TLK1: variants seen among roughly 807,000 people sequenced by gnomAD.
TLK1 encodes tousled like kinase 1, also known as serine/threonine-protein kinase tousled-like 1.
A neutral mutation model predicts 105.3 loss-of-function variants in TLK1; 24 were observed. That is an observed-to-expected ratio of 0.23 (90% CI 0.17 to 0.32). The LOEUF is 0.32. Ranked by LOEUF, TLK1 falls within the 10% of genes least tolerant of loss-of-function variation. The probability of loss-of-function intolerance (pLI) is 1.00; values close to 1 mark genes in which losing one functional copy is unlikely to be tolerated. For synonymous variants in TLK1, 321 were observed against 310.4 expected, an observed-to-expected ratio of 1.03 and a Z score of -0.36; for missense variants, 558 against 910.5, an observed-to-expected ratio of 0.61 and a Z score of 4.98.
intron 1 of TLK1, among the ~76,000 whole-genome samples, chr2:171,216,475 C>CA (rs1351753533): frequency 6.6e-6 from 1 of 152,042 alleles, no homozygotes; most frequent in Admixed American, 6.6e-5. Context: ...GACTCCGTCT[C>CA]AAAAACAAAA....
At chr2:171,012,343 G>A (rs1042478694) in intron 13 of TLK1, among the ~76,000 whole-genome samples, 1 of 152,008 alleles carries the variant, frequency 6.6e-6, no homozygotes, top group Non-Finnish European at 1.5e-5. Flanking sequence ...ATAAATGAAG[G>A]TACTGATGCA....
At chr2:171,063,173 C>T (rs1295013475) in intron 3 of TLK1, among the ~76,000 whole-genome samples, 1 of 152,046 alleles carries the variant, frequency 6.6e-6, no homozygotes, top group Non-Finnish European at 1.5e-5. Flanking sequence ...TGGTGAAACC[C>T]TGACTCTACT....
chr2:170,997,015 A>G (rs928446650), intron 19 of TLK1, among the ~76,000 whole-genome samples: 4 of 152,266 alleles, frequency 2.6e-5, no homozygotes, highest in Non-Finnish European at 5.9e-5. Flanking sequence ...CTGTTGCAAT[A>G]TAAGATAAAA....
At chr2:171,002,025 C>T (rs796801791) in intron 18 of TLK1, among the ~76,000 whole-genome samples, 1 of 152,164 alleles carries the variant, frequency 6.6e-6, no homozygotes, top group South Asian at 2.1e-4. Context: ...GATCCGCCCG[C>T]CTGGGCCTCA....
chr2:171,179,088 A>T lies in TLK1; in HGVS notation c.-6+52057T>A, dbSNP rs1430089157. ...TTCTTGTTACACCAGAATGGACCTT[A>T]TATTCCATGTAAGAAGACATGGAAT... On this transcript the variant is annotated intron_variant, in intron 1 of 20. Transcript: ENST00000521943. 2.6e-5 allele frequency among the ~76,000 whole-genome samples: 4 copies of T among 152,280 alleles called. No individual in the cohort carries two copies. The East Asian group carries it at 7.7e-4, about 29-fold the overall frequency.
chr2:171,122,869 T>A (rs561668179), intron 1 of TLK1, among the ~76,000 whole-genome samples: 2 of 151,894 alleles, frequency 1.3e-5, no homozygotes, highest in African/African-American at 4.8e-5. Context: ...TGAAACCCCA[T>A]CTCTACTAAA....
intron 19 of TLK1, 89 bp from the exon 20 acceptor site, chr2:170,996,849 G>A (rs2883940): frequency 0.075 from 82,718 of 1,098,658 alleles, 4,435 homozygotes; most frequent in African/African-American, 0.24. Context: ...TCCCAAAACC[G>A]AAAATCCAAA....
intron 11 of TLK1, among the ~76,000 whole-genome samples, chr2:171,035,869 A>G (rs2723242): frequency 0.22 from 34,130 of 152,086 alleles, 4,030 homozygotes; most frequent in Middle Eastern, 0.3. Flanking sequence ...AGCTGGAAAA[A>G]GAAAGGAAAT....
At chr2:171,169,400 A>G (rs1692682312) in intron 1 of TLK1, among the ~76,000 whole-genome samples, 1 of 152,204 alleles carries the variant, frequency 6.6e-6, no homozygotes, top group South Asian at 2.1e-4. Context: ...TAAAATATAT[A>G]TATACAATAT....
intron 3 of TLK1, among the ~76,000 whole-genome samples, chr2:171,071,186 T>C (rs1224302565): frequency 6.6e-6 from 1 of 152,258 alleles, no homozygotes; most frequent in East Asian, 1.9e-4. Flanking sequence ...CCTTGTCAGA[T>C]GGATAGTTTG....
In TLK1 at chr2:171,009,291, C is replaced by CT. The variant is rs71008743; in HGVS notation, c.1416+2081dup. Among the ~76,000 whole-genome samples, 166 of 74,830 alleles carry CT rather than the reference C, an allele frequency of 2.2e-3. 25 individuals carry two copies. Among genetic ancestry groups the CT allele is most frequent in the African/African-American group, 8.6e-3 (141 of 16,380 alleles). 49.1% of individuals were successfully genotyped at this position (74,830 alleles called of 152,430 possible). On this transcript the variant is annotated intron_variant, in intron 14 of 20. Coordinates refer to ENST00000431350, the MANE Select transcript of TLK1 (RefSeq NM_012290.5). ...CATGCAACAGTCAGGATTTCTTTTC[C>CT]TTTTTTTTTTTTTTTTTTTTTTTTT...
At chr2:171,120,750 G>A (rs1690621533) in intron 1 of TLK1, among the ~76,000 whole-genome samples, 1 of 152,184 alleles carries the variant, frequency 6.6e-6, no homozygotes, top group Admixed American at 6.5e-5. Context: ...CTCAAAAAAT[G>A]AAACACTGAA....
At chr2:171,180,206 G>C (rs1198936004) in intron 1 of TLK1, among the ~76,000 whole-genome samples, 1 of 151,334 alleles carries the variant, frequency 6.6e-6, no homozygotes, top group Non-Finnish European at 1.5e-5. Flanking sequence ...GCGAGAGCGA[G>C]AGCGAGACTT....
chr2:171,117,898 G>T, intron 1 of TLK1, 41 bp from the exon 2 acceptor site: 2 of 1,363,082 alleles, frequency 1.5e-6, no homozygotes, highest in Non-Finnish European at 2.0e-6. Context: ...ATATATATGT[G>T]TGTATACTTT....
intron 1 of TLK1, among the ~76,000 whole-genome samples, chr2:171,136,147 G>C (rs1435685004): frequency 4.6e-5 from 7 of 152,148 alleles, no homozygotes. Context: ...TAAAAAGGAA[G>C]GAAACACTGA....
chr2:171,193,507 C>T, intron 1 of TLK1, among the ~76,000 whole-genome samples: 1 of 151,700 alleles, frequency 6.6e-6, no homozygotes, highest in Non-Finnish European at 1.5e-5. Flanking sequence ...CGCCATTCTC[C>T]TGCCTCAGCC....
chr2:170,996,992 G>A (rs969920951), intron 19 of TLK1, among the ~76,000 whole-genome samples: 1 of 152,126 alleles, frequency 6.6e-6, no homozygotes, highest in Non-Finnish European at 1.5e-5. Context: ...ACTGTAAGAA[G>A]AAGAAAATAA....
chr2:171,033,208 A>G (rs1292991521), intron 11 of TLK1, among the ~76,000 whole-genome samples: 1 of 139,842 alleles, frequency 7.2e-6, no homozygotes, highest in African/African-American at 3.3e-5. Flanking sequence ...CCTGTCTCAA[A>G]ACAAAACAAA....
chr2:171,182,663 T>A (rs918994053), intron 1 of TLK1, among the ~76,000 whole-genome samples: 3 of 152,038 alleles, frequency 2.0e-5, no homozygotes, highest in Non-Finnish European at 4.4e-5. Context: ...CTCACACCAG[T>A]AATCCCAACA....
Sources: gnomAD v4.1 joint callset for allele counts (sites outside exome capture counted in the v4.1 genomes callset) on GRCh38, gnomAD v4.1.1 for gene constraint, MANE v1.5 for transcripts, NCBI Gene and HGNC (gene_info 2026-07-23, HGNC 2026-07-21) for gene names.